Variants in CREM observed in about 807,000 individuals in gnomAD.
CREM encodes the protein cAMP-responsive element modulator.
Under a neutral mutation model 37.3 loss-of-function variants are expected in CREM, and 13 were observed. That is an observed-to-expected ratio of 0.35 (90% CI 0.23 to 0.55). CREM has a LOEUF of 0.55. CREM is among the 20% of genes least tolerant of loss of function. CREM has a pLI of 0.88. For missense variants in CREM, 296 were observed against 362.3 expected (o/e 0.82, Z 1.49); for synonymous variants, 124 against 120.2 (o/e 1.03, Z -0.21).
At chr10:35,167,143 TG>T (rs576488352) in intron 3 of CREM, among the ~76,000 whole-genome samples, 2 of 152,054 alleles carry the variant, frequency 1.3e-5, no homozygotes, top group South Asian at 2.1e-4. Flanking sequence ...TCCGTCTCAG[TG>T]GGGGGAAAAA....
intron 2 of CREM, among the ~76,000 whole-genome samples, chr10:35,138,835 GA>G (rs975885599): frequency 8.8e-5 from 13 of 148,230 alleles, no homozygotes; most frequent in African/African-American, 2.0e-4. Flanking sequence ...CCAGCCTGGG[GA>G]AAAAAAAAGA....
intron 3 of CREM, 80 bp downstream of exon 3, chr10:35,148,571 G>A: frequency 6.8e-7 from 1 of 1,465,778 alleles, no homozygotes; most frequent in Non-Finnish European, 9.2e-7. Context: ...TCTTGCCATT[G>A]ATCTTAAATT....
At chr10:35,173,912 G>A (rs994676681) in intron 3 of CREM, among the ~76,000 whole-genome samples, 12 of 152,178 alleles carry the variant, frequency 7.9e-5, no homozygotes, top group Non-Finnish European at 1.5e-5. Context: ...TTAGTTGTGA[G>A]GAGAAAGAGT....
chr10:35,148,134 C>G (rs2092308785), intron 2 of CREM, among the ~76,000 whole-genome samples: 1 of 152,086 alleles, frequency 6.6e-6, no homozygotes. Flanking sequence ...ACCTTATAGT[C>G]TAAAGGTAAT....
chr10:35,206,230 A>G (rs2095517969), intron 6 of CREM, among the ~76,000 whole-genome samples: 2 of 151,772 alleles, frequency 1.3e-5, no homozygotes, highest in African/African-American at 2.4e-5. Flanking sequence ...CCTGGGCGAC[A>G]GAGCGAGACT....
chr10:35,181,441 A>G (rs182393587), intron 5 of CREM, among the ~76,000 whole-genome samples: 1 of 152,310 alleles, frequency 6.6e-6, no homozygotes, highest in Admixed American at 6.5e-5. Flanking sequence ...GCCAGCCCCA[A>G]TGGCTTCATT....
At chr10:35,131,117 A>G (rs191217377) in intron 1 of CREM, among the ~76,000 whole-genome samples, 65 of 152,328 alleles carry the variant, frequency 4.3e-4, no homozygotes, top group African/African-American at 1.5e-3. Context: ...CTAGCAACTC[A>G]TCCTCTTGTC....
chr10:35,152,165 G>A (rs747485475), intron 3 of CREM: 3 of 152,198 alleles, frequency 2.0e-5, no homozygotes, highest in Non-Finnish European at 4.4e-5. Flanking sequence ...TATATGATCA[G>A]ATTATCAGTA....
chr10:35,136,916 G>A (rs575651774), intron 1 of CREM, among the ~76,000 whole-genome samples: 6 of 151,082 alleles, frequency 4.0e-5, no homozygotes, highest in Admixed American at 6.6e-5. Context: ...AACTTTCCGC[G>A]CTCAAGTGAT....
chr10:35,153,806 A>G (rs1392622494), intron 3 of CREM, among the ~76,000 whole-genome samples: 1 of 152,194 alleles, frequency 6.6e-6, no homozygotes, highest in Non-Finnish European at 1.5e-5. Context: ...AACTCTGGAG[A>G]TTGTCAAGGT....
intron 3 of CREM, among the ~76,000 whole-genome samples, chr10:35,169,129 C>T (rs957622696): frequency 6.6e-6 from 1 of 151,614 alleles, no homozygotes; most frequent in Non-Finnish European, 1.5e-5. Context: ...TTCCATTTCT[C>T]TGAAGAAAGT....
chr10:35,174,678 TTGAG>T (rs1185470152), intron 3 of CREM, among the ~76,000 whole-genome samples: 1 of 152,254 alleles, frequency 6.6e-6, no homozygotes, highest in Non-Finnish European at 1.5e-5. Context: ...TCTTTGACTC[TTGAG>T]TAAGTCATAA....
intron 1 of CREM, among the ~76,000 whole-genome samples, chr10:35,134,102 A>G (rs938396495): frequency 6.0e-5 from 9 of 150,768 alleles, no homozygotes; most frequent in African/African-American, 9.8e-5. Flanking sequence ...GCTGGAGTGC[A>G]ATGGTGCTAT....
chr10:35,152,671 G>T (rs192349822), intron 3 of CREM, among the ~76,000 whole-genome samples: 1 of 152,080 alleles, frequency 6.6e-6, no homozygotes, highest in South Asian at 2.1e-4. Context: ...GACTAGACTC[G>T]CTGGATTCTG....
At chr10:35,210,116 C>T (rs1234787629) in intron 7 of CREM, among the ~76,000 whole-genome samples, 2 of 151,662 alleles carry the variant, frequency 1.3e-5, no homozygotes, top group East Asian at 3.9e-4. Flanking sequence ...AGGATGCTAG[C>T]TGGCATTACA....
At position 35,148,269 on chromosome 10, in the gene CREM, A is replaced by T. The variant is rs1308883267; in HGVS notation, c.45-99A>T. 9 of 1,213,196 alleles carry T rather than the reference A, an allele frequency of 7.4e-6. No individual in the cohort carries two copies. The Admixed American group carries it at 2.3e-4, about 30-fold the overall frequency. 75.2% of individuals were successfully genotyped at this position (1,213,196 alleles called of 1,614,324 possible). ...CTCAGAAAGTTTCAGATTTTGGAGC[A>T]TTTCAGATTTTGGATTTTTGGATTA... On this transcript the variant is annotated intron_variant, in intron 2 of 7. Transcript: ENST00000685392.
chr10:35,151,793 T>C (rs1335170218), intron 3 of CREM, among the ~76,000 whole-genome samples: 1 of 152,244 alleles, frequency 6.6e-6, no homozygotes, highest in Non-Finnish European at 1.5e-5. Context: ...CTAAGAATTA[T>C]CCTCCATGCC....
At chr10:35,195,184 C>T in intron 6 of CREM, 4 of 1,613,618 alleles carry the variant, frequency 2.5e-6, no homozygotes, top group Non-Finnish European at 3.4e-6. Flanking sequence ...TCTGCAGAAG[C>T]CCATTATGGC....
chr10:35,179,301 A>T (rs1030598087), intron 5 of CREM, 25 bp downstream of exon 5: 1 of 1,611,192 alleles, frequency 6.2e-7, no homozygotes, highest in South Asian at 1.1e-5. Flanking sequence ...ATTCGATATG[A>T]TACAGTGCTA....
Sources: gnomAD v4.1 joint callset for allele counts (sites outside exome capture counted in the v4.1 genomes callset) on GRCh38, gnomAD v4.1.1 for gene constraint, MANE v1.5 for transcripts, NCBI Gene and HGNC (gene_info 2026-07-23, HGNC 2026-07-21) for gene names.